The following NOP2 variants were observed in gnomAD, a reference collection of about 807,000 sequenced individuals.
NOP2 encodes the protein 28S rRNA (cytosine(4447)-C(5))-methyltransferase.
A neutral mutation model predicts 72.7 loss-of-function variants in NOP2; 7 were observed. The ratio of observed to expected loss-of-function variants is 0.10; its 90% CI spans 0.05 to 0.18. NOP2 has a LOEUF of 0.18. NOP2 is among the 10% of genes least tolerant of loss of function. The pLI is 1.00. For missense variants in NOP2, 954 were observed against 1,014.7 expected, an observed-to-expected ratio of 0.94 and a Z score of 0.81; for synonymous variants, 387 against 388.0, an observed-to-expected ratio of 1.00 and a Z score of 0.03.
At position 6,560,333 on chromosome 12, in the gene NOP2, G is replaced by A; in HGVS notation, c.1561-7C>T. On this transcript the variant is annotated splice_region_variant and splice_polypyrimidine_tract_variant and intron_variant, in intron 14 of 15. Coordinates refer to ENST00000322166, the MANE Select transcript of NOP2 (RefSeq NM_001258308.2). The surrounding 1 kb of genome is among the most constrained non-coding windows in gnomAD (Gnocchi z 5.0). The stretch of plus-strand genomic sequence containing the variant: ...CCCACTCATTCTCTTCTACCTGGAT[G>A]TGGGGGGAAGACAAAGAACGGAGGA... The A allele has an allele frequency of 6.2e-7, 1 of 1,611,876 alleles. No homozygotes were observed. Among genetic ancestry groups the A allele is most frequent in the Non-Finnish European group, 8.5e-7 (1 of 1,178,080 alleles).
rs1320589667 is a variant in NOP2, at chr12:6,560,515, C to A, written c.1492G>T (p.Ala498Ser). Residue 498 changes from alanine to serine, a missense_variant, in exon 14 of 16, where the codon GCT becomes TCT. Ala to Ser is a moderately conservative substitution (Grantham distance 99, BLOSUM62 1). Coordinates refer to ENST00000322166, the MANE Select transcript of NOP2 (RefSeq NM_001258308.2). The surrounding 1 kb of genome is among the most constrained non-coding windows in gnomAD (Gnocchi z 5.0). The stretch of plus-strand genomic sequence containing the variant: ...GAGGTCGCATTGACAGAGTCAATAG[C>A]ACTCAGGAGCAACTCCTTCTGGAGG... Reference protein sequence around the residue: ...AHLQKELLLSAIDSVNATSKT... With the variant: ...AHLQKELLLSSIDSVNATSKT... The A allele has an allele frequency of 6.2e-7, 1 of 1,605,306 alleles. No individual in the cohort carries two copies.
At position 6,564,206 on chromosome 12, in the gene NOP2, G is replaced by A. The variant is rs1190256761; in HGVS notation, c.475-260C>T. 9.0e-6 allele frequency: 9 copies of A among 1,001,832 alleles called. No individual in the cohort carries two copies. The South Asian group carries it at 1.1e-4, about 12-fold the overall frequency. 62.1% of individuals were successfully genotyped at this position (1,001,832 alleles called of 1,614,324 possible). ...CAGGAGAATTGCTTGAACCCGGGAG[G>A]TGGAGGTTGCAGTGAGCCAAGACCG... On this transcript the variant is annotated intron_variant, in intron 5 of 15. Transcript: ENST00000322166.
chr12:6,558,206 T>C, intron 15 of NOP2: 1 of 347,772 alleles, frequency 2.9e-6, no homozygotes, highest in Non-Finnish European at 5.5e-6. Context: ...TACAGGAAGC[T>C]GCGCCCTCTT....
Position 6,560,379 on chromosome 12 carries a change from A to T in NOP2, c.1561-53T>A. ...GAGGAAAAAGCAGAGCTGGAGCTGA[A>T]GGGAGCTCTAAGGGGCAAAGAGCCC... On this transcript the variant is annotated intron_variant, in intron 14 of 15. Transcript: ENST00000322166. This position sits in a 1 kb window ranked among gnomAD's most constrained non-coding sequence, Gnocchi z 5.0. 1.2e-6 allele frequency: 2 copies of T among 1,605,574 alleles called. No homozygotes were observed. The highest frequency in any genetic ancestry group is 1.7e-6 in the Non-Finnish European group (2 of 1,173,794).
intron 5 of NOP2, among the ~76,000 whole-genome samples, chr12:6,565,370 T>C (rs926687799): frequency 1.3e-5 from 2 of 151,914 alleles, no homozygotes; most frequent in African/African-American, 4.8e-5. Flanking sequence ...AGACAGAGTC[T>C]CACTTTGTTG....
chr12:6,560,910 G>A lies in NOP2; in HGVS notation c.1347+21C>T, dbSNP rs751972666. On this transcript the variant is annotated intron_variant, in intron 12 of 15. Coordinates refer to ENST00000322166, the MANE Select transcript of NOP2 (RefSeq NM_001258308.2). The surrounding 1 kb of genome is among the most constrained non-coding windows in gnomAD (Gnocchi z 5.0). Reference sequence around the variant, plus strand: ...AGGTCAACCGGAAGAAGCCTCAGAAGACACACAGCTCGAGTCTCACCTTGG... The same window carrying A: ...AGGTCAACCGGAAGAAGCCTCAGAAAACACACAGCTCGAGTCTCACCTTGG... The A allele has an allele frequency of 4.1e-5, 66 of 1,613,334 alleles. No individual in the cohort carries two copies. The highest frequency in any genetic ancestry group is 3.3e-4 in the Middle Eastern group (2 of 6,084).
At position 6,560,892 on chromosome 12, in the gene NOP2, C is replaced by T; in HGVS notation, c.1347+39G>A. On this transcript the variant is annotated intron_variant, in intron 12 of 15. Coordinates refer to ENST00000322166, the MANE Select transcript of NOP2 (RefSeq NM_001258308.2). This position sits in a 1 kb window ranked among gnomAD's most constrained non-coding sequence, Gnocchi z 5.0. ...TGAGGTCAGGAAGGGAGAAGGTCAA[C>T]CGGAAGAAGCCTCAGAAGACACACA... 6.2e-7 allele frequency: 1 copy of T among 1,612,698 alleles called. No homozygotes were observed. Among genetic ancestry groups the T allele is most frequent in the East Asian group, 2.2e-5 (1 of 44,850 alleles).
intron 5 of NOP2, among the ~76,000 whole-genome samples, chr12:6,565,049 A>C (rs1947743564): frequency 6.6e-6 from 1 of 152,158 alleles, no homozygotes; most frequent in African/African-American, 2.4e-5. Context: ...TAATACATCC[A>C]CACACTAATT....
In NOP2 at chr12:6,560,809, A is replaced by G; in HGVS notation, c.1348-22T>C. ...CCACCTGGAGAAAAGATACAGATGA[A>G]TCATATGTCTCTTCTGCAACCAGCA... On this transcript the variant is annotated intron_variant, in intron 12 of 15. Transcript: ENST00000322166. The surrounding 1 kb of genome is among the most constrained non-coding windows in gnomAD (Gnocchi z 5.0). The G allele has an allele frequency of 6.2e-7, 1 of 1,609,642 alleles. No homozygotes were observed. The highest frequency in any genetic ancestry group is 2.2e-5 in the East Asian group (1 of 44,680).
chr12:6,566,798 A>T lies in NOP2; in HGVS notation c.128T>A (p.Leu43Gln). ...PAVSDENSKR[L>Q]SSRARKRAAK... ...TTACCTCTTTCGAGCACGACTAGAC[A>T]GCCTCTTGGAATTTTCGTCACTTAC... Residue 43 changes from leucine to glutamine, a missense_variant, in exon 3 of 16, where the codon CTG becomes CAG. Around this residue, in one of 3 missense-constraint regions of NOP2, gnomAD observed 498 missense variants for 478.3 expected, o/e 1.04. Transcript: ENST00000322166. The T allele has an allele frequency of 6.2e-7, 1 of 1,613,274 alleles. No individual in the cohort carries two copies. The highest frequency in any genetic ancestry group is 2.2e-5 in the East Asian group (1 of 44,868).
rs1947773896 is a variant in NOP2, at chr12:6,566,162, G to C, written c.413C>G (p.Ala138Gly). Residue 138 changes from alanine (A) to glycine (G), a missense_variant, in exon 5 of 16, where the codon GCT (alanine) becomes GGT (glycine). By Grantham distance (60) the Ala-to-Gly change is moderately conservative. Transcript: ENST00000322166. ...HGDLWGSEDDADTVDDYGADS... is the reference protein window; with the variant it reads ...HGDLWGSEDDGDTVDDYGADS... ...AGCTCCATAGTCATCTACCGTATCAGCATCGTCCTCGGAGCCCCAGAGGTC... is the reference window on the plus strand; with the variant it reads ...AGCTCCATAGTCATCTACCGTATCACCATCGTCCTCGGAGCCCCAGAGGTC... 1 of 1,613,820 alleles carries C rather than the reference G, an allele frequency of 6.2e-7. No individual in the cohort carries two copies. Among genetic ancestry groups the C allele is most frequent in the Non-Finnish European group, 8.5e-7 (1 of 1,179,890 alleles).
intron 9 of NOP2, among the ~76,000 whole-genome samples, 197 bp downstream of exon 9, chr12:6,562,884 A>G (rs1947684567): frequency 3.9e-5 from 6 of 152,162 alleles, no homozygotes; most frequent in Admixed American, 3.9e-4. Context: ...GGAGCAGAGT[A>G]TGAACTTCCC....
At chr12:6,565,428 C>A (rs929512295) in intron 5 of NOP2, among the ~76,000 whole-genome samples, 13 of 152,238 alleles carry the variant, frequency 8.5e-5, no homozygotes, top group African/African-American at 3.1e-4. Flanking sequence ...GCCATCTCCG[C>A]CTCACAGGTT....
intron 10 of NOP2, 36 bp from the exon 11 acceptor site, chr12:6,561,840 G>A: frequency 1.2e-6 from 2 of 1,609,174 alleles, no homozygotes; most frequent in South Asian, 2.2e-5. Context: ...ATGCGGTAGG[G>A]ACAGGGACAG....
Position 6,560,710 on chromosome 12 carries a change from C to A in NOP2, c.1425G>T (p.Val475=), listed in dbSNP as rs1374729264. Residue 475 remains valine (V), a synonymous_variant, in exon 13 of 16, where the codon GTG becomes GTT. Transcript: ENST00000322166. The surrounding 1 kb of genome is among the most constrained non-coding windows in gnomAD (Gnocchi z 5.0). ...CCTGACTCCTCACCTTGTTAGTCTT[C>A]ACGGCTGGATCCTTGGAGATGACCC... ...GTGVISKDPA[V]KTNKDEKDIL... is the part of the protein sequence containing the mutation. 1.2e-6 allele frequency: 2 copies of A among 1,613,550 alleles called. No individual in the cohort carries two copies. The highest frequency in any genetic ancestry group is 8.5e-7 in the Non-Finnish European group (1 of 1,179,730).
intron 15 of NOP2, 51 bp from the exon 16 acceptor site, chr12:6,557,693 A>G (rs1487172470): frequency 1.3e-6 from 2 of 1,502,478 alleles, no homozygotes; most frequent in Non-Finnish European, 1.8e-6. Context: ...TTATCACCAT[A>G]TTTTAATATT....
chr12:6,558,280 TTTC>T (rs1290051809), intron 15 of NOP2: 8 of 271,864 alleles, frequency 2.9e-5, no homozygotes, highest in Non-Finnish European at 5.1e-5. Flanking sequence ...GGGTTTTTTT[TTTC>T]TTTTTTTGAG....
rs1255620203 is a variant in NOP2 at position 6,563,654 on chromosome 12, C to T, written c.648G>A (p.Glu216=). The change falls in exon 7 of 16, where the codon GAG becomes GAA. Residue 216 remains glutamate (E), a synonymous_variant. Transcript: ENST00000322166. ...CAGCAGGGGGCAGCACAAATGGTTC[C>T]TCATCCACATTGATCTGCAGGCCCC... ...ADGGLQINVD[E]EPFVLPPAGE... is the part of the protein sequence containing the mutation. The T allele has an allele frequency of 1.2e-6, 2 of 1,613,518 alleles. No homozygotes were observed. Among genetic ancestry groups the T allele is most frequent in the Non-Finnish European group, 1.7e-6 (2 of 1,179,664 alleles).
rs776762817 is a variant in NOP2, at chr12:6,560,665, G to A, written c.1437+33C>T. On this transcript the variant is annotated intron_variant, in intron 13 of 15. Coordinates refer to ENST00000322166, the MANE Select transcript of NOP2 (RefSeq NM_001258308.2). This position sits in a 1 kb window ranked among gnomAD's most constrained non-coding sequence, Gnocchi z 5.0. Reference sequence around the variant, plus strand: ...TTCCAGCTCTACGAGACCCAGCCAAGGCCTCTCAGGGGCCCACCACCTGAC... The same window carrying A: ...TTCCAGCTCTACGAGACCCAGCCAAAGCCTCTCAGGGGCCCACCACCTGAC... 1.2e-6 allele frequency: 2 copies of A among 1,612,756 alleles called. No homozygotes were observed. The highest frequency in any genetic ancestry group is 1.7e-5 in the Admixed American group (1 of 59,924).
Sources: gnomAD v4.1 joint callset for allele counts (sites outside exome capture counted in the v4.1 genomes callset) on GRCh38, gnomAD v4.1.1 for gene constraint, gnomAD v4.1.1 regional missense constraint, Gnocchi (gnomAD v3.1) non-coding constraint, MANE v1.5 for transcripts, NCBI Gene and HGNC (gene_info 2026-07-23, HGNC 2026-07-21) for gene names.